Variants in LUZP2 observed in about 807,000 individuals in gnomAD.
LUZP2 encodes the protein leucine zipper protein 2.
A neutral mutation model predicts 51.6 loss-of-function variants in LUZP2; 52 were observed. That is an observed-to-expected ratio of 1.01 (90% CI 0.81 to 1.27). The LOEUF is 1.27. LUZP2 is among the 50% of genes most tolerant of loss of function. The pLI, the probability that LUZP2 is intolerant of heterozygous loss-of-function variation, is 0.00. For missense variants in LUZP2, 436 were observed against 395.4 expected (o/e 1.10, Z -0.87); for synonymous variants, 154 against 137.3 (o/e 1.12, Z -0.85).
chr11:24,978,275 T>C (rs1855935770), intron 8 of LUZP2, among the ~76,000 whole-genome samples: 1 of 151,704 alleles, frequency 6.6e-6, no homozygotes, highest in African/African-American at 2.4e-5. Flanking sequence ...CTTATGCCAA[T>C]TATTACTTTT....
intron 3 of LUZP2, 54 bp downstream of exon 3, chr11:24,732,242 C>G: frequency 1.5e-6 from 2 of 1,309,222 alleles, no homozygotes; most frequent in South Asian, 1.3e-5. Flanking sequence ...AAGCAACATT[C>G]AGAAACTTCA....
At chr11:24,935,637 T>G (rs1253727201) in intron 7 of LUZP2, among the ~76,000 whole-genome samples, 3 of 152,178 alleles carry the variant, frequency 2.0e-5, no homozygotes, top group Non-Finnish European at 2.9e-5. Flanking sequence ...ATGGTAGTAT[T>G]GTTCTTCTAA....
At chr11:25,043,915 A>G (rs1440064559) in intron 9 of LUZP2, among the ~76,000 whole-genome samples, 1 of 135,896 alleles carries the variant, frequency 7.4e-6, no homozygotes, top group Non-Finnish European at 1.6e-5. Flanking sequence ...TACTCTACAT[A>G]TATCTGATAT....
intron 5 of LUZP2, among the ~76,000 whole-genome samples, chr11:24,816,110 T>C (rs189301358): frequency 1.3e-3 from 204 of 152,188 alleles, no homozygotes; most frequent in Admixed American, 3.5e-3. Context: ...AAGGACATTA[T>C]ATTTAGCTTT....
intron 1 of LUZP2, among the ~76,000 whole-genome samples, chr11:24,721,372 A>G (rs1858264360): frequency 6.6e-6 from 1 of 152,186 alleles, no homozygotes; most frequent in Non-Finnish European, 1.5e-5. Flanking sequence ...TTACTACAAA[A>G]ATTCAATAGG....
At chr11:24,645,653 A>G (rs916085689) in intron 1 of LUZP2, among the ~76,000 whole-genome samples, 9 of 152,120 alleles carry the variant, frequency 5.9e-5, no homozygotes, top group African/African-American at 1.9e-4. Flanking sequence ...ACAATCTGCC[A>G]GTAATTTTTC....
intron 10 of LUZP2, among the ~76,000 whole-genome samples, chr11:25,058,267 G>T (rs186114590): frequency 9.4e-4 from 143 of 152,102 alleles, no homozygotes; most frequent in Middle Eastern, 6.9e-3. Context: ...AAATCTCCAT[G>T]TTTACTTTTC....
chr11:24,629,055 T>C (rs573204208), intron 1 of LUZP2, among the ~76,000 whole-genome samples: 2 of 152,254 alleles, frequency 1.3e-5, no homozygotes, highest in East Asian at 3.9e-4. Flanking sequence ...CTATGATAAA[T>C]TTATCTTATC....
chr11:25,049,795 G>T (rs1468109239), intron 9 of LUZP2, among the ~76,000 whole-genome samples: 1 of 151,586 alleles, frequency 6.6e-6, no homozygotes, highest in African/African-American at 2.4e-5. Context: ...TAATCCCAAT[G>T]GACATCACTA....
intron 5 of LUZP2, chr11:24,892,721 T>C (rs78262830): frequency 0.013 from 1,911 of 152,846 alleles, 17 homozygotes; most frequent in South Asian, 0.038. Context: ...TCAAGGGCTA[T>C]TAAATTCATT....
At chr11:24,610,804 G>A (rs577616223) in intron 1 of LUZP2, among the ~76,000 whole-genome samples, 3 of 152,238 alleles carry the variant, frequency 2.0e-5, no homozygotes, top group Admixed American at 2.0e-4. Flanking sequence ...AATGAGCTGG[G>A]CGTGGGGGCA....
At chr11:24,827,540 A>C (rs1850579207) in intron 5 of LUZP2, among the ~76,000 whole-genome samples, 1 of 152,188 alleles carries the variant, frequency 6.6e-6, no homozygotes. Flanking sequence ...CTTAAGGAAA[A>C]GTACATTCAA....
rs906255587 is a variant in LUZP2, at chr11:24,694,841, T to C, written c.63-34328T>C. On this transcript the variant is annotated intron_variant, in intron 1 of 11. Coordinates refer to ENST00000336930, the MANE Select transcript of LUZP2 (RefSeq NM_001009909.4). ...CAGAAACAGAAAACTAAACGCCGCATGTTCTCACTCATCATGGGAGTTGAA... is the reference window on the plus strand; with the variant it reads ...CAGAAACAGAAAACTAAACGCCGCACGTTCTCACTCATCATGGGAGTTGAA... Among the ~76,000 whole-genome samples, 7 of 151,798 alleles carry C rather than the reference T, an allele frequency of 4.6e-5. No individual in the cohort carries two copies. The Middle Eastern group carries it at 0.01, about 221-fold the overall frequency.
intron 1 of LUZP2, among the ~76,000 whole-genome samples, chr11:24,625,351 A>T (rs989163453): frequency 2.0e-5 from 3 of 151,982 alleles, no homozygotes; most frequent in African/African-American, 7.2e-5. Context: ...ATTTCAAAAA[A>T]AAAAGGAAGG....
chr11:24,520,032 G>T (rs1850593802), intron 1 of LUZP2, among the ~76,000 whole-genome samples: 1 of 152,018 alleles, frequency 6.6e-6, no homozygotes, highest in Admixed American at 6.6e-5. Context: ...TTGGGTTTTT[G>T]TCTGATTTCA....
chr11:24,600,157 T>C (rs1590224577), intron 1 of LUZP2, among the ~76,000 whole-genome samples: 1 of 147,052 alleles, frequency 6.8e-6, no homozygotes, highest in East Asian at 2.1e-4. Flanking sequence ...AACAAGAGGA[T>C]ATATAATGTA....
intron 1 of LUZP2, among the ~76,000 whole-genome samples, chr11:24,535,616 T>G (rs2133833953): frequency 6.6e-6 from 1 of 151,752 alleles, no homozygotes; most frequent in African/African-American, 2.4e-5. Context: ...GTTGCATCTT[T>G]AGATTCCACT....
At chr11:24,755,728 G>A (rs1859748334) in intron 4 of LUZP2, among the ~76,000 whole-genome samples, 1 of 151,980 alleles carries the variant, frequency 6.6e-6, no homozygotes, top group Non-Finnish European at 1.5e-5. Flanking sequence ...TTAAAACTGA[G>A]ATCTTAAGAC....
intron 5 of LUZP2, among the ~76,000 whole-genome samples, chr11:24,799,365 A>T (rs1380533301): frequency 6.6e-6 from 1 of 152,078 alleles, no homozygotes; most frequent in Non-Finnish European, 1.5e-5. Context: ...TGAGAGGCCA[A>T]TGTGGGGGGA....
Sources: gnomAD v4.1 joint callset for allele counts (sites outside exome capture counted in the v4.1 genomes callset) on GRCh38, gnomAD v4.1.1 for gene constraint, MANE v1.5 for transcripts, NCBI Gene and HGNC (gene_info 2026-07-23, HGNC 2026-07-21) for gene names.